INTS13: variants seen among roughly 807,000 people sequenced by gnomAD.
INTS13 encodes asunder, spermatogenesis regulator homolog (Drosphila).
Under a neutral mutation model 90.2 loss-of-function variants are expected in INTS13, and 35 were observed. The ratio of observed to expected loss-of-function variants is 0.39; its 90% confidence interval spans 0.30 to 0.51. The LOEUF (loss-of-function observed/expected upper bound fraction) is 0.51. Ranked by LOEUF, INTS13 falls within the 20% of genes least tolerant of loss-of-function variation. The pLI is 0.80. For missense variants in INTS13, 601 were observed against 851.2 expected (o/e 0.71, Z 3.66); for synonymous variants, 309 against 277.1 (o/e 1.11, Z -1.14).
intron 2 of INTS13, 130 bp downstream of exon 2, chr12:26,936,449 G>C (rs1938463384): frequency 1.5e-6 from 1 of 656,606 alleles, no homozygotes; most frequent in African/African-American, 1.8e-5. Context: ...AATCCCAAAG[G>C]GCAGCGTTAT....
At position 26,911,334 on chromosome 12, in the gene INTS13, TAATG is replaced by T. The variant is rs764113931; in HGVS notation, c.1806-21_1806-18del. On this transcript the variant is annotated intron_variant, in intron 14 of 16. Transcript: ENST00000261191. Reference sequence around the variant, plus strand: ...CCTTTTAATCTTTTAGAGGGACAAATAATGAAATGTAAAGTTCAAATTTTTAGAA... The same window carrying T: ...CCTTTTAATCTTTTAGAGGGACAAATAAATGTAAAGTTCAAATTTTTAGAA... 2.5e-6 allele frequency: 4 copies of T among 1,587,788 alleles called. No individual in the cohort carries two copies. In the Admixed American group the frequency reaches 5.6e-5, roughly 22 times the overall value.
intron 5 of INTS13, among the ~76,000 whole-genome samples, chr12:26,927,867 C>T (rs1463587595): frequency 2.0e-5 from 3 of 152,262 alleles, no homozygotes; most frequent in South Asian, 4.1e-4. Flanking sequence ...CTCTCCACTT[C>T]GGCCCCGCAA....
chr12:26,927,075 C>T (rs1937916525), intron 5 of INTS13, among the ~76,000 whole-genome samples: 1 of 152,240 alleles, frequency 6.6e-6, no homozygotes, highest in Non-Finnish European at 1.5e-5. Context: ...GGGACAGAAC[C>T]TGATGCACTT....
At chr12:26,929,011 T>A in intron 3 of INTS13, 106 bp from the exon 4 acceptor site, 1 of 988,768 alleles carries the variant, frequency 1.0e-6, no homozygotes, top group Non-Finnish European at 1.5e-6. Flanking sequence ...TATATGGACA[T>A]GAACATTCTT....
intron 14 of INTS13, 87 bp downstream of exon 14, chr12:26,913,370 A>G: frequency 1.1e-6 from 1 of 891,954 alleles, no homozygotes; most frequent in Non-Finnish European, 1.8e-6. Context: ...ACTACTATTA[A>G]ATCAGGTTTG....
chr12:26,908,223 G>T (rs971093988), intron 15 of INTS13, among the ~76,000 whole-genome samples: 1 of 152,126 alleles, frequency 6.6e-6, no homozygotes, highest in East Asian at 1.9e-4. Flanking sequence ...GAGGAGGAGA[G>T]TGAAAGATGA....
At chr12:26,935,134 G>A (rs1019399741) in intron 2 of INTS13, among the ~76,000 whole-genome samples, 4 of 152,344 alleles carry the variant, frequency 2.6e-5, no homozygotes, top group Non-Finnish European at 5.9e-5. Context: ...AGAGCAGGCA[G>A]TGGGAGAGGA....
chr12:26,922,675 G>A lies in INTS13; in HGVS notation c.830C>T (p.Ala277Val). 6.3e-7 allele frequency: 1 copy of A among 1,584,494 alleles called. No individual in the cohort carries two copies. Among genetic ancestry groups the A allele is most frequent in the South Asian group, 1.2e-5 (1 of 85,850 alleles). ...MKEEQHANTS[A>V]NYDVELLHHK... ...ATGAAGTAGCTCCACATCATAATTG[G>A]CAGATGTGTTAGCATGCTGTTCTTC... is the stretch of plus-strand genomic sequence containing the variant. The change falls in exon 8 of 17, where the codon GCC becomes GTC. Residue 277 changes from alanine (A) to valine (V), a missense_variant. This residue lies in a region of INTS13 where 284 missense variants were observed against 387.7 expected (regional missense o/e 0.73). Transcript: ENST00000261191.
At chr12:26,935,044 A>C (rs1938388976) in intron 2 of INTS13, among the ~76,000 whole-genome samples, 1 of 152,248 alleles carries the variant, frequency 6.6e-6, no homozygotes, top group Non-Finnish European at 1.5e-5. Flanking sequence ...GCCACCGTAA[A>C]GTCAGGGATA....
At chr12:26,912,731 CT>C (rs10712629) in intron 14 of INTS13, among the ~76,000 whole-genome samples, 100,363 of 144,736 alleles carry the variant, frequency 0.69, 34,840 homozygotes, top group East Asian at 0.83. Flanking sequence ...GCTGCAATCA[CT>C]TTTTTTTTTT....
In INTS13 at chr12:26,913,959, G is replaced by GAAAAAAAA; in HGVS notation, c.1574+7_1574+14dup. 1 of 1,572,130 alleles carries GAAAAAAAA rather than the reference G, an allele frequency of 6.4e-7. No homozygotes were observed. Among genetic ancestry groups the GAAAAAAAA allele is most frequent in the Non-Finnish European group, 8.6e-7 (1 of 1,160,108 alleles). ...TAAATGTGATCTATAAAGTAAGAAA[G>GAAAAAAAA]AAAAAAAAATGTACCTTTTAGGGCC... On this transcript the variant is annotated intron_variant, in intron 13 of 16. Coordinates refer to ENST00000261191, the MANE Select transcript of INTS13 (RefSeq NM_018164.3).
chr12:26,923,268 C>T (rs1030386726), intron 7 of INTS13, among the ~76,000 whole-genome samples: 83 of 152,170 alleles, frequency 5.5e-4, no homozygotes, highest in African/African-American at 1.9e-3. Flanking sequence ...AATTAACAGG[C>T]AAGCTATCAG....
Position 26,916,583 on chromosome 12 carries a change from A to G in INTS13, c.1070-403T>C, listed in dbSNP as rs117232673. ...GGCACAGTCTCAGTTCACTTACACA[A>G]CAGTTCCTCATCCACACTGTAATCA... On this transcript the variant is annotated intron_variant, in intron 10 of 16. Transcript: ENST00000261191. Among the ~76,000 whole-genome samples, 15 of 152,356 alleles carry G rather than the reference A, an allele frequency of 9.8e-5. No individual in the cohort carries two copies. In the East Asian group the frequency reaches 2.9e-3, roughly 29 times the overall value.
At chr12:26,908,359 A>ATATTTTAAAATTCT (rs1951673303) in intron 15 of INTS13, among the ~76,000 whole-genome samples, 1 of 152,212 alleles carries the variant, frequency 6.6e-6, no homozygotes, top group Non-Finnish European at 1.5e-5. Flanking sequence ...ATTGTCATAT[A>ATATTTTAAAATTCT]TATTTTAAAA....
At chr12:26,926,637 T>C (rs1937891748) in intron 5 of INTS13, among the ~76,000 whole-genome samples, 1 of 152,240 alleles carries the variant, frequency 6.6e-6, no homozygotes, top group South Asian at 2.1e-4. Context: ...TATTGGTCTC[T>C]GCTCATGCTT....
In INTS13 at chr12:26,936,471, TTAAG is replaced by T; in HGVS notation, c.225+104_225+107del. ...AAGGGCAGCGTTATGTACCACATTTTTAAGTAATAAACACACAGTCATTATCTAT... is the reference window on the plus strand; with the variant it reads ...AAGGGCAGCGTTATGTACCACATTTTTAATAAACACACAGTCATTATCTAT... On this transcript the variant is annotated intron_variant, in intron 2 of 16. Transcript: ENST00000261191. 6.3e-6 allele frequency: 5 copies of T among 797,158 alleles called. No homozygotes were observed. The South Asian group carries it at 9.1e-5, about 14-fold the overall frequency. 49.4% of individuals were successfully genotyped at this position (797,158 alleles called of 1,614,324 possible). A position where few individuals can be genotyped will look rare whatever the true frequency, so the allele number is the denominator to read the frequency against.
In INTS13 at chr12:26,913,643, A is replaced by G. The variant is rs779912004; in HGVS notation, c.1619T>C (p.Val540Ala). ...RIMWNELETL[V>A]RAHINNSEKH... ...CTCTGAGTTGTTGATATGGGCTCTG[A>G]CAAGGGTTTCTAATTCATTCCACAT... The change falls in exon 14 of 17, where the codon GTC becomes GCC. Residue 540 changes from valine (V) to alanine (A), a missense_variant. Val to Ala is a moderately conservative substitution (Grantham distance 64). This residue lies in a region of INTS13 where 228 missense variants were observed against 272.5 expected (regional missense o/e 0.84). Transcript: ENST00000261191. 1.9e-6 allele frequency: 3 copies of G among 1,614,054 alleles called. No homozygotes were observed. In the South Asian group the frequency reaches 3.3e-5, roughly 18 times the overall value.
At position 26,922,620 on chromosome 12, in the gene INTS13, T is replaced by G; in HGVS notation, c.885A>C (p.Lys295Asn). The change falls in exon 8 of 17, where the codon AAA becomes AAC. Residue 295 changes from lysine (K) to asparagine (N), a missense_variant. By Grantham distance (94) the Lys-to-Asn change is moderately conservative. This residue lies in a region of INTS13 where 284 missense variants were observed against 387.7 expected (regional missense o/e 0.73). Coordinates refer to ENST00000261191, the MANE Select transcript of INTS13 (RefSeq NM_018164.3). ...ATACTTTCAAATGTCTCTTACCACT[T>G]TTCAGGAAATCTACATGTGCATCTT... is the stretch of plus-strand genomic sequence containing the variant. ...HHKDAHVDFL[K>N]SGDSHLGGGS... is the part of the protein sequence containing the mutation. 3 of 1,583,848 alleles carry G rather than the reference T, an allele frequency of 1.9e-6. No homozygotes were observed. Among genetic ancestry groups the G allele is most frequent in the Non-Finnish European group, 2.6e-6 (3 of 1,164,590 alleles).
intron 5 of INTS13, 99 bp downstream of exon 5, chr12:26,928,106 G>A (rs1937984439): frequency 7.4e-6 from 6 of 814,888 alleles, no homozygotes; most frequent in Admixed American, 2.4e-5. Context: ...TGAGTCAATA[G>A]AGAATTCAGG....
Sources: allele counts gnomAD v4.1 joint callset (sites outside exome capture counted in the v4.1 genomes callset), GRCh38; gene constraint gnomAD v4.1.1; regional missense constraint gnomAD v4.1.1; transcripts MANE v1.5; gene names NCBI Gene and HGNC (gene_info 2026-07-23, HGNC 2026-07-21).